NCAPH: variants seen among roughly 807,000 people sequenced by gnomAD.
NCAPH encodes non-SMC condensin I complex subunit H.
A neutral mutation model predicts 85.5 loss-of-function variants in NCAPH; 38 were observed. That is an observed-to-expected ratio of 0.44 (90% CI 0.34 to 0.58). The LOEUF is 0.58. Ranked by LOEUF, NCAPH falls within the 20% of genes least tolerant of loss-of-function variation. NCAPH has a pLI of 0.01. For synonymous variants in NCAPH, 301 were observed against 335.1 expected (o/e 0.90, Z 1.11); for missense variants, 789 against 916.6 (o/e 0.86, Z 1.80).
Position 96,354,385 on chromosome 2 carries a change from G to A in NCAPH, c.1205G>A (p.Cys402Tyr). The A allele has an allele frequency of 6.4e-7, 1 of 1,573,952 alleles. No individual in the cohort carries two copies. Among genetic ancestry groups the A allele is most frequent in the Non-Finnish European group, 8.6e-7 (1 of 1,157,808 alleles). Residue 402 changes from cysteine to tyrosine, a missense_variant, in exon 9 of 18, where the codon TGC becomes TAC. Coordinates refer to ENST00000240423, the MANE Select transcript of NCAPH (RefSeq NM_015341.5). ...AAGGAGCCCTGCCAGGTTCAGAGCT[G>A]CCAGTAAGGCTCTCAGAGTCCGAAA... ...SWKEPCQVQS[C>Y]QEEMISLGDG...
intron 6 of NCAPH, among the ~76,000 whole-genome samples, chr2:96,348,733 G>A (rs1444075463): frequency 2.6e-5 from 4 of 151,962 alleles, no homozygotes; most frequent in East Asian, 1.9e-4. Context: ...TTGGCTCACC[G>A]CAACCTCTGT....
At chr2:96,338,053 A>G (rs890635189) in intron 1 of NCAPH, among the ~76,000 whole-genome samples, 2 of 151,664 alleles carry the variant, frequency 1.3e-5, no homozygotes, top group Non-Finnish European at 2.9e-5. Flanking sequence ...CAGCCTACCG[A>G]GTAGCTGGGA....
At chr2:96,360,853 AT>A in intron 12 of NCAPH, 143 bp downstream of exon 12, 1 of 1,074,626 alleles carries the variant, frequency 9.3e-7, no homozygotes, top group Non-Finnish European at 1.3e-6. Context: ...AATCAAATAG[AT>A]AAGGCAAAGA....
chr2:96,343,502 G>A (rs1243312077), intron 5 of NCAPH, among the ~76,000 whole-genome samples, 198 bp downstream of exon 5: 2 of 152,088 alleles, frequency 1.3e-5, no homozygotes, highest in Non-Finnish European at 2.9e-5. Flanking sequence ...AAAGAGAAGG[G>A]CCTTATAAAA....
In NCAPH at chr2:96,369,005, C is replaced by T; in HGVS notation, c.2032C>T (p.Leu678=). 6.4e-7 allele frequency: 1 copy of T among 1,556,478 alleles called. No individual in the cohort carries two copies. The highest frequency in any genetic ancestry group is 8.7e-7 in the Non-Finnish European group (1 of 1,149,530). Residue 678 remains leucine (L), a synonymous_variant, in exon 16 of 18, where the codon CTG becomes TTG. Transcript: ENST00000240423. Reference sequence around the variant, plus strand: ...CAGGGAAGCTGGAAAAGAAGCGGCCCTGGCAGAAGTGGCTGACGAGAAGAT... The same window carrying T: ...CAGGGAAGCTGGAAAAGAAGCGGCCTTGGCAGAAGTGGCTGACGAGAAGAT... ...NHREAGKEAA[L]AEVADEKMLS...
chr2:96,376,644 A>G lies in NCAPH; in HGVS notation c.*3293A>G, dbSNP rs2064834547. Among the ~76,000 whole-genome samples, 1 of 152,190 alleles carries G rather than the reference A, an allele frequency of 6.6e-6. No individual in the cohort carries two copies. The highest frequency in any genetic ancestry group is 2.4e-5 in the African/African-American group (1 of 41,454). The stretch of plus-strand genomic sequence containing the variant: ...GGATACTGGGTCATTTCAACACCAC[A>G]AGGATTTGCAGCATCTGCGGCAACG... On this transcript the variant is annotated 3_prime_UTR_variant, in exon 18 of 18. Transcript: ENST00000240423.
At chr2:96,346,367 G>T (rs555019565) in intron 6 of NCAPH, among the ~76,000 whole-genome samples, 1 of 152,140 alleles carries the variant, frequency 6.6e-6, no homozygotes, top group Admixed American at 6.6e-5. Flanking sequence ...CTACTTGAGG[G>T]TGGTGGCAGA....
intron 6 of NCAPH, among the ~76,000 whole-genome samples, chr2:96,348,724 T>G (rs1349722619): frequency 6.6e-6 from 1 of 151,918 alleles, no homozygotes; most frequent in Non-Finnish European, 1.5e-5. Flanking sequence ...GGCACGATGT[T>G]GGCTCACCGC....
At chr2:96,368,315 T>C (rs1236662630) in intron 15 of NCAPH, among the ~76,000 whole-genome samples, 1 of 152,216 alleles carries the variant, frequency 6.6e-6, no homozygotes, top group Non-Finnish European at 1.5e-5. Context: ...CTTTTAAATA[T>C]GAATTTTGTG....
At chr2:96,364,633 G>A (rs373721869) in intron 13 of NCAPH, 42 bp downstream of exon 13, 141 of 1,450,048 alleles carry the variant, frequency 9.7e-5, no homozygotes, top group South Asian at 5.5e-4. Context: ...TCTAAGCCAG[G>A]GAGTCGTTTT....
chr2:96,363,559 G>T lies in NCAPH; in HGVS notation c.1588-922G>T, dbSNP rs181252367. Among the ~76,000 whole-genome samples the T allele has an allele frequency of 2.0e-5, 3 of 152,294 alleles. No homozygotes were observed. The South Asian group carries it at 6.2e-4, about 32-fold the overall frequency. ...TATTCAGTGTGCTCTTGTAAACTGT[G>T]CACATCTCCAGTCACATTTCTCCTA... On this transcript the variant is annotated intron_variant, in intron 12 of 17. Transcript: ENST00000240423.
rs2064294102 is a variant in NCAPH at position 96,341,530 on chromosome 2, A to C, written c.20-112A>C. 9.6e-6 allele frequency: 13 copies of C among 1,359,986 alleles called. No homozygotes were observed. In the South Asian group the frequency reaches 1.8e-4, roughly 19 times the overall value. 84.2% of individuals were successfully genotyped at this position (1,359,986 alleles called of 1,614,324 possible). A position where few individuals can be genotyped will look rare whatever the true frequency, so the allele number is the denominator to read the frequency against. The stretch of plus-strand genomic sequence containing the variant: ...AGCCATTAAGTATTAGAGTTGGAGA[A>C]GATCTCAGTGGACAGTGTGTGGTGA... On this transcript the variant is annotated intron_variant, in intron 1 of 17. Transcript: ENST00000240423.
At chr2:96,364,714 C>A in intron 13 of NCAPH, 123 bp downstream of exon 13, 1 of 699,906 alleles carries the variant, frequency 1.4e-6, no homozygotes, top group African/African-American at 1.8e-5. Context: ...TGGAGGTTTT[C>A]TGGGTAAAGG....
intron 1 of NCAPH, among the ~76,000 whole-genome samples, chr2:96,338,721 C>T (rs904713665): frequency 2.0e-5 from 3 of 152,264 alleles, no homozygotes; most frequent in Admixed American, 6.5e-5. Flanking sequence ...CTGCAAAAGG[C>T]GAGGAACAGA....
At chr2:96,343,338 T>C in intron 5 of NCAPH, 34 bp downstream of exon 5, 1 of 1,591,746 alleles carries the variant, frequency 6.3e-7, no homozygotes, top group Non-Finnish European at 8.6e-7. Context: ...TAAGTGGCTC[T>C]TTTTAGGGCA....
At chr2:96,367,584 G>T (rs558237822) in intron 15 of NCAPH, among the ~76,000 whole-genome samples, 1 of 152,284 alleles carries the variant, frequency 6.6e-6, no homozygotes, top group East Asian at 1.9e-4. Context: ...GGAGTTTGAG[G>T]TTACAGTGAG....
At chr2:96,349,392 T>C (rs1036718669) in intron 6 of NCAPH, among the ~76,000 whole-genome samples, 6 of 152,084 alleles carry the variant, frequency 3.9e-5, no homozygotes, top group Admixed American at 6.5e-5. Flanking sequence ...CTTTTCTTTT[T>C]TTTTTTTAAG....
At chr2:96,349,261 C>CT (rs1220569043) in intron 6 of NCAPH, among the ~76,000 whole-genome samples, 2 of 152,014 alleles carry the variant, frequency 1.3e-5, no homozygotes, top group South Asian at 2.1e-4. Flanking sequence ...TCCTGGAAAG[C>CT]TTTTTTTGCT....
At chr2:96,348,156 A>G (rs2064386073) in intron 6 of NCAPH, among the ~76,000 whole-genome samples, 1 of 150,458 alleles carries the variant, frequency 6.6e-6, no homozygotes, top group South Asian at 2.1e-4. Context: ...TCTCGGTTTT[A>G]TATTAGTGAA....
Sources: gnomAD v4.1 joint callset for allele counts (sites outside exome capture counted in the v4.1 genomes callset) on GRCh38, gnomAD v4.1.1 for gene constraint, MANE v1.5 for transcripts, NCBI Gene and HGNC (gene_info 2026-07-23, HGNC 2026-07-21) for gene names.